NPR3: variants seen among roughly 807,000 people sequenced by gnomAD.
The protein encoded by NPR3 is atrial natriuretic peptide receptor 3.
Under a neutral mutation model 54.5 loss-of-function variants are expected in NPR3, and 34 were observed. The observed-to-expected ratio is 0.62, with a 90% CI of 0.47 to 0.83. NPR3 has a LOEUF of 0.83. Ranked by LOEUF, NPR3 falls within the 40% of genes least tolerant of loss-of-function variation. The pLI is 0.00. For synonymous variants in NPR3, 289 were observed against 297.1 expected, an observed-to-expected ratio of 0.97 and a Z score of 0.28; for missense variants, 674 against 720.8, an observed-to-expected ratio of 0.94 and a Z score of 0.74.
chr5:32,766,783 T>C (rs1343116841), intron 3 of NPR3, among the ~76,000 whole-genome samples: 1 of 152,176 alleles, frequency 6.6e-6, no homozygotes, highest in Non-Finnish European at 1.5e-5. Context: ...TGCTGATGTG[T>C]TTAGCTGCTA....
At chr5:32,694,902 C>T (rs1740486053) in intron 1 of NPR3, among the ~76,000 whole-genome samples, 1 of 152,004 alleles carries the variant, frequency 6.6e-6, no homozygotes, top group Non-Finnish European at 1.5e-5. Flanking sequence ...TCTCTGTCTC[C>T]ATGAGTTCAA....
chr5:32,780,759 C>A lies in NPR3; in HGVS notation c.1233C>A (p.Asp411Glu). ...AGGTGTCCATAGATGCCAACGGAGA[C>A]CGATATGGGGATTTCTCTGTGATTG... ...AGQVSIDANG[D>E]RYGDFSVIAM... Residue 411 changes from aspartate to glutamate, a missense_variant, in exon 5 of 8, where the codon GAC becomes GAA. By Grantham distance (45) the Asp-to-Glu change is conservative. Coordinates refer to ENST00000265074, the MANE Select transcript of NPR3 (RefSeq NM_001204375.2). 6.2e-7 allele frequency: 1 copy of A among 1,602,148 alleles called. No individual in the cohort carries two copies. The highest frequency in any genetic ancestry group is 8.6e-7 in the Non-Finnish European group (1 of 1,169,214).
At chr5:32,724,432 T>C (rs1394713732) in intron 1 of NPR3, among the ~76,000 whole-genome samples, 1 of 152,236 alleles carries the variant, frequency 6.6e-6, no homozygotes, top group African/African-American at 2.4e-5. Flanking sequence ...GCTGCCTATC[T>C]GGACATTTTT....
intron 2 of NPR3, among the ~76,000 whole-genome samples, chr5:32,736,349 T>G (rs1739749976): frequency 6.6e-6 from 1 of 152,014 alleles, no homozygotes; most frequent in Non-Finnish European, 1.5e-5. Flanking sequence ...TTAAAAAAAG[T>G]TTTTGTCCAT....
In NPR3 at chr5:32,788,191, A is replaced by G. The variant is rs1307040026; in HGVS notation, c.*1846A>G. 6.6e-6 allele frequency: 1 copy of G among 152,252 alleles called. No individual in the cohort carries two copies. Among genetic ancestry groups the G allele is most frequent in the Non-Finnish European group, 1.5e-5 (1 of 68,056 alleles). 9.4% of individuals were successfully genotyped at this position (152,252 alleles called of 1,614,324 possible). On this transcript the variant is annotated 3_prime_UTR_variant, in exon 8 of 8. Transcript: ENST00000265074. ...GGGAGGCAGCTGAGAGGGCGTGATA[A>G]AAGAATTAAGTGTGATCAACTGAAA...
chr5:32,693,224 C>G (rs575420570), intron 1 of NPR3, among the ~76,000 whole-genome samples: 3 of 152,264 alleles, frequency 2.0e-5, no homozygotes, highest in Non-Finnish European at 2.9e-5. Flanking sequence ...GAAATACATA[C>G]AAATAAATTT....
upstream of NPR3, among the ~76,000 whole-genome samples, chr5:32,704,592 A>G (rs2111822720): frequency 6.6e-6 from 1 of 152,356 alleles, no homozygotes; most frequent in South Asian, 2.1e-4. Context: ...ATCTTAACAC[A>G]GTATACCACC....
At chr5:32,707,086 A>T (rs1197731540), upstream of NPR3, among the ~76,000 whole-genome samples, 4 of 152,220 alleles carry the variant, frequency 2.6e-5, no homozygotes, top group Non-Finnish European at 4.4e-5. Context: ...TTATGCCAGT[A>T]TTCAGGTTAA....
chr5:32,703,164 A>G (rs1349793772), intron 1 of NPR3, among the ~76,000 whole-genome samples: 2 of 152,086 alleles, frequency 1.3e-5, no homozygotes, highest in Non-Finnish European at 2.9e-5. Context: ...TCATGGCCCA[A>G]GCACTCTTCA....
Position 32,738,854 on chromosome 5 carries a change from T to C in NPR3, c.893-10T>C, listed in dbSNP as rs372211082. ...GCTTGGAATTATAAATATTTTTATT[T>C]CTTCCATAGGAGATGGCTCATGGAA... On this transcript the variant is annotated splice_polypyrimidine_tract_variant and intron_variant, in intron 2 of 7. Coordinates refer to ENST00000265074, the MANE Select transcript of NPR3 (RefSeq NM_001204375.2). The C allele has an allele frequency of 2.4e-5, 39 of 1,608,014 alleles. No homozygotes were observed. Among genetic ancestry groups the C allele is most frequent in the Non-Finnish European group, 3.2e-5 (38 of 1,177,766 alleles).
At chr5:32,693,880 C>T (rs1579562782) in intron 1 of NPR3, among the ~76,000 whole-genome samples, 1 of 152,322 alleles carries the variant, frequency 6.6e-6, no homozygotes, top group East Asian at 1.9e-4. Flanking sequence ...AAGTTACATA[C>T]ACTCCCCGCA....
chr5:32,753,379 TC>T, intron 3 of NPR3, among the ~76,000 whole-genome samples: 1 of 152,204 alleles, frequency 6.6e-6, no homozygotes, highest in Admixed American at 6.5e-5. Flanking sequence ...TTGGCCAGCT[TC>T]TTCACAATTG....
intron 2 of NPR3, among the ~76,000 whole-genome samples, chr5:32,736,659 T>C (rs1011926025): frequency 6.6e-6 from 1 of 152,252 alleles, no homozygotes; most frequent in African/African-American, 2.4e-5. Flanking sequence ...CTTGGCCCCT[T>C]AACAAAGGCC....
chr5:32,774,930 GC>G, intron 4 of NPR3, 87 bp downstream of exon 4: 1 of 1,046,244 alleles, frequency 9.6e-7, no homozygotes, highest in Non-Finnish European at 1.5e-6. Context: ...CAGCTGTGGG[GC>G]CTTTCCAGCG....
chr5:32,789,277 G>T lies in NPR3; in HGVS notation c.*2932G>T. 1 of 413,270 alleles carries T rather than the reference G, an allele frequency of 2.4e-6. No homozygotes were observed. The highest frequency in any genetic ancestry group is 2.0e-5 in the South Asian group (1 of 49,552). 25.6% of individuals were successfully genotyped at this position (413,270 alleles called of 1,614,324 possible). ...TCTTATGGTCATCATTGTCTTCTTA[G>T]ATTTTTGGGTAGGGGGGCCAGGTAG... On this transcript the variant is annotated 3_prime_UTR_variant, in exon 8 of 8. Transcript: ENST00000265074.
At chr5:32,730,614 G>C (rs1739400205) in intron 2 of NPR3, among the ~76,000 whole-genome samples, 1 of 152,098 alleles carries the variant, frequency 6.6e-6, no homozygotes, top group Non-Finnish European at 1.5e-5. Context: ...TAATTAATGA[G>C]TTTAGCAAGG....
chr5:32,751,827 CAT>C (rs1486992730), intron 3 of NPR3, among the ~76,000 whole-genome samples: 2 of 152,160 alleles, frequency 1.3e-5, no homozygotes, highest in African/African-American at 2.4e-5. Flanking sequence ...CCAGACGTCA[CAT>C]GTTGGAAAGT....
rs989528652 is a variant in NPR3 at position 32,724,669 on chromosome 5, C to T, written c.770-29C>T. On this transcript the variant is annotated intron_variant, in intron 1 of 7. Transcript: ENST00000265074. ...CTCGAAGTGCTCTGCAAAGGGGTGC[C>T]TCATGTGTGTTGTTTGTTCCTCCCC... The T allele has an allele frequency of 6.8e-6, 11 of 1,613,508 alleles. No homozygotes were observed. In the African/African-American group the frequency reaches 1.3e-4, roughly 20 times the overall value.
chr5:32,711,287 C>T (rs1738207845), upstream of NPR3: 1 of 985,052 alleles, frequency 1.0e-6, no homozygotes, highest in Non-Finnish European at 1.2e-6. Context: ...GCCGCTGCCA[C>T]GCTATTTAAA....
Sources: gnomAD v4.1 joint callset for allele counts (sites outside exome capture counted in the v4.1 genomes callset) on GRCh38, gnomAD v4.1.1 for gene constraint, MANE v1.5 for transcripts, NCBI Gene and HGNC (gene_info 2026-07-23, HGNC 2026-07-21) for gene names.